LRMDA: variants seen among roughly 807,000 people sequenced by gnomAD.
LRMDA encodes the protein leucine-rich melanocyte differentiation-associated protein.
A neutral mutation model predicts 29.8 loss-of-function variants in LRMDA; 18 were observed. The observed-to-expected ratio is 0.60, with a 90% CI of 0.42 to 0.90. The LOEUF is 0.90. Among genes scored for constraint, LRMDA ranks in the 40% least tolerant of loss-of-function variants. The pLI, the probability that LRMDA is intolerant of heterozygous loss-of-function variation, is 0.00. For missense variants in LRMDA, 273 were observed against 273.9 expected (o/e 1.00, Z 0.02); for synonymous variants, 125 against 109.4 (o/e 1.14, Z -0.89).
chr10:75,600,850 T>C (rs1840876117), intron 2 of LRMDA, among the ~76,000 whole-genome samples: 1 of 152,264 alleles, frequency 6.6e-6, no homozygotes, highest in African/African-American at 2.4e-5. Flanking sequence ...ATCCTTCAAG[T>C]GTGCTGAACA....
chr10:75,564,478 G>C (rs1458725830), intron 2 of LRMDA, among the ~76,000 whole-genome samples: 1 of 152,222 alleles, frequency 6.6e-6, no homozygotes, highest in African/African-American at 2.4e-5. Flanking sequence ...CTGACCCCTT[G>C]CGCTTCCCGA....
intron 2 of LRMDA, chr10:75,743,398 C>T (rs1273625475): frequency 6.6e-6 from 1 of 152,250 alleles, no homozygotes; most frequent in Admixed American, 6.5e-5. Flanking sequence ...TGGGATGAGC[C>T]GTGAGTCCTC....
chr10:76,204,480 G>A (rs945462184), intron 5 of LRMDA, among the ~76,000 whole-genome samples: 2 of 152,204 alleles, frequency 1.3e-5, no homozygotes, highest in Admixed American at 1.3e-4. Flanking sequence ...TTAGTGTTAA[G>A]GTGCTTAACT....
intron 2 of LRMDA, among the ~76,000 whole-genome samples, chr10:75,561,883 G>A (rs548052983): frequency 1.3e-5 from 2 of 152,070 alleles, no homozygotes; most frequent in Non-Finnish European, 2.9e-5. Flanking sequence ...TGATTGCACC[G>A]TGGCCTGAGT....
At chr10:75,673,084 G>A (rs1841919886) in intron 2 of LRMDA, among the ~76,000 whole-genome samples, 1 of 151,958 alleles carries the variant, frequency 6.6e-6, no homozygotes, top group Non-Finnish European at 1.5e-5. Context: ...CTGCTGGTAT[G>A]TGGTGTAGGA....
At chr10:76,147,426 T>C (rs1850348277) in intron 5 of LRMDA, among the ~76,000 whole-genome samples, 1 of 152,182 alleles carries the variant, frequency 6.6e-6, no homozygotes, top group African/African-American at 2.4e-5. Context: ...TCGCTTCATT[T>C]CATTCATTTC....
chr10:75,633,174 T>G (rs760658499), intron 2 of LRMDA, among the ~76,000 whole-genome samples: 2 of 152,198 alleles, frequency 1.3e-5, no homozygotes, highest in Non-Finnish European at 2.9e-5. Context: ...GTGCGCACAT[T>G]CTTTTAGATC....
intron 6 of LRMDA, among the ~76,000 whole-genome samples, chr10:76,341,651 C>T (rs963019887): frequency 6.6e-6 from 1 of 152,084 alleles, no homozygotes; most frequent in African/African-American, 2.4e-5. Context: ...TGCCTGGGGC[C>T]TCAATAAAAG....
At chr10:75,961,018 G>A (rs965851731) in intron 2 of LRMDA, among the ~76,000 whole-genome samples, 66 of 152,190 alleles carry the variant, frequency 4.3e-4, no homozygotes, top group African/African-American at 1.4e-3. Context: ...GATTTTAGGT[G>A]TTTCTGTTGT....
At chr10:76,272,262 C>T (rs1840077324) in intron 5 of LRMDA, among the ~76,000 whole-genome samples, 1 of 152,182 alleles carries the variant, frequency 6.6e-6, no homozygotes, top group African/African-American at 2.4e-5. Context: ...TATATGGACA[C>T]ATTGGTAAAC....
At chr10:76,505,115 G>A (rs1443427845) in intron 6 of LRMDA, among the ~76,000 whole-genome samples, 1 of 149,764 alleles carries the variant, frequency 6.7e-6, no homozygotes, top group African/African-American at 2.5e-5. Flanking sequence ...TTTTTTTTAA[G>A]GATACTGGAA....
chr10:76,182,901 T>A (rs903926521), intron 5 of LRMDA, among the ~76,000 whole-genome samples: 6 of 152,090 alleles, frequency 3.9e-5, no homozygotes, highest in African/African-American at 1.2e-4. Context: ...TCAAGGGTAG[T>A]CAAAGTTGAA....
intron 6 of LRMDA, among the ~76,000 whole-genome samples, chr10:76,510,405 G>A (rs1287080813): frequency 9.9e-6 from 1 of 100,630 alleles, no homozygotes; most frequent in Admixed American, 9.9e-5. Context: ...ACATAAACCT[G>A]TGGCATGCTT....
At chr10:75,537,027 G>A (rs1432007971) in intron 2 of LRMDA, among the ~76,000 whole-genome samples, 5 of 152,210 alleles carry the variant, frequency 3.3e-5, no homozygotes, top group Non-Finnish European at 7.3e-5. Context: ...TTGCCAGGGA[G>A]CACAGATGCT....
intron 2 of LRMDA, among the ~76,000 whole-genome samples, chr10:75,911,431 A>G (rs1845841693): frequency 6.6e-6 from 1 of 152,100 alleles, no homozygotes; most frequent in African/African-American, 2.4e-5. Context: ...GGGGCTCCAG[A>G]AAGGTAGAAA....
chr10:75,564,242 C>T (rs866467386), intron 2 of LRMDA, among the ~76,000 whole-genome samples: 55 of 152,156 alleles, frequency 3.6e-4, no homozygotes, highest in African/African-American at 1.2e-3. Flanking sequence ...CAATGGTGGG[C>T]GCCCCTCCCC....
chr10:76,345,591 G>C (rs905331814), intron 6 of LRMDA, among the ~76,000 whole-genome samples: 19 of 151,580 alleles, frequency 1.3e-4, no homozygotes, highest in Non-Finnish European at 4.4e-5. Context: ...CTATATTTAT[G>C]AAAAAACTCT....
intron 2 of LRMDA, among the ~76,000 whole-genome samples, chr10:75,541,868 G>A (rs1840021234): frequency 6.6e-6 from 1 of 152,052 alleles, no homozygotes; most frequent in South Asian, 2.1e-4. Context: ...ACTCTGAGGG[G>A]GACATGTCTC....
intron 5 of LRMDA, among the ~76,000 whole-genome samples, chr10:76,309,178 G>T (rs914283674): frequency 6.6e-6 from 1 of 152,202 alleles, no homozygotes; most frequent in Non-Finnish European, 1.5e-5. Context: ...AATGGGCGGG[G>T]ACTCTGAATT....
Sources: gnomAD v4.1 joint callset for allele counts (sites outside exome capture counted in the v4.1 genomes callset) on GRCh38, gnomAD v4.1.1 for gene constraint, MANE v1.5 for transcripts, NCBI Gene and HGNC (gene_info 2026-07-23, HGNC 2026-07-21) for gene names.